Variants in LRP1B observed in about 807,000 individuals in gnomAD.
LRP1B encodes LDL receptor related protein 1B.
LRP1B carries 217 observed loss-of-function variants against 556.6 expected under a neutral mutation model. That is an observed-to-expected ratio of 0.39 (90% CI 0.35 to 0.44). LRP1B has a LOEUF of 0.44. Ranked by LOEUF, LRP1B falls within the 20% of genes least tolerant of loss-of-function variation. The pLI, the probability that LRP1B is intolerant of heterozygous loss-of-function variation, is 1.00. For missense variants in LRP1B, 5,053 were observed against 5,620.8 expected (o/e 0.90, Z 3.23); for synonymous variants, 2,047 against 1,865.8 (o/e 1.10, Z -2.50).
chr2:140,506,705 G>C (rs2104906257), intron 53 of LRP1B, 91 bp downstream of exon 53: 1 of 1,357,250 alleles, frequency 7.4e-7, no homozygotes, highest in Non-Finnish European at 1.0e-6. Context: ...TAAGAAATGT[G>C]TTGCTTGTTG....
intron 3 of LRP1B, among the ~76,000 whole-genome samples, chr2:141,275,227 A>G (rs1685241349): frequency 6.6e-6 from 1 of 152,232 alleles, no homozygotes; most frequent in African/African-American, 2.4e-5. Flanking sequence ...ATAGCATACT[A>G]TGTGGTTCAG....
At chr2:140,954,346 T>G (rs552857552) in intron 18 of LRP1B, among the ~76,000 whole-genome samples, 1 of 152,204 alleles carries the variant, frequency 6.6e-6, no homozygotes, top group African/African-American at 2.4e-5. Context: ...GAGTAAACAA[T>G]AAAATGGGGA....
intron 35 of LRP1B, among the ~76,000 whole-genome samples, chr2:140,747,818 G>A (rs1573658016): frequency 6.6e-6 from 1 of 151,918 alleles, no homozygotes; most frequent in East Asian, 1.9e-4. Flanking sequence ...TAGGAGAACT[G>A]ATAGAAAATG....
chr2:142,014,651 G>A (rs1384419175), intron 1 of LRP1B, among the ~76,000 whole-genome samples: 3 of 152,176 alleles, frequency 2.0e-5, no homozygotes, highest in South Asian at 4.1e-4. Context: ...ACCTTTTAAA[G>A]AAGTGGATAG....
At chr2:141,055,921 A>G (rs1699168280) in intron 9 of LRP1B, among the ~76,000 whole-genome samples, 1 of 151,608 alleles carries the variant, frequency 6.6e-6, no homozygotes, top group Non-Finnish European at 1.5e-5. Context: ...CTACTAAAGA[A>G]AAAAGGTAAG....
chr2:141,343,420 T>C (rs1449717096), intron 3 of LRP1B, among the ~76,000 whole-genome samples: 1 of 152,346 alleles, frequency 6.6e-6, no homozygotes, highest in South Asian at 2.1e-4. Context: ...ATTTTCTTGC[T>C]TTTTTGATTG....
chr2:140,816,328 GGA>G (rs1559136321), intron 31 of LRP1B, among the ~76,000 whole-genome samples: 11 of 151,484 alleles, frequency 7.3e-5, no homozygotes, highest in Non-Finnish European at 1.5e-4. Flanking sequence ...ATGTTGGCCA[GGA>G]TGGTCTCGAT....
chr2:142,067,155 G>A (rs1387621998), intron 1 of LRP1B, among the ~76,000 whole-genome samples: 3 of 151,264 alleles, frequency 2.0e-5, no homozygotes, highest in African/African-American at 7.3e-5. Context: ...ACACTTTAAA[G>A]GACATTTTTT....
chr2:140,903,314 G>A (rs1229954228), intron 22 of LRP1B, 149 bp from the exon 23 acceptor site: 3 of 823,486 alleles, frequency 3.6e-6, no homozygotes, highest in Non-Finnish European at 3.7e-6. Context: ...TTTTGCTTCA[G>A]GGGTTGGTAT....
intron 35 of LRP1B, among the ~76,000 whole-genome samples, chr2:140,748,867 A>T (rs1264822704): frequency 1.0e-5 from 1 of 95,894 alleles, no homozygotes; most frequent in African/African-American, 3.9e-5. Context: ...ATACACACAC[A>T]CACACAGAGT....
At chr2:141,467,266 G>C (rs898175109) in intron 3 of LRP1B, among the ~76,000 whole-genome samples, 2 of 151,586 alleles carry the variant, frequency 1.3e-5, no homozygotes, top group Non-Finnish European at 2.9e-5. Flanking sequence ...ACTGTGTCTG[G>C]GTTAGTAAGT....
intron 1 of LRP1B, among the ~76,000 whole-genome samples, chr2:142,080,744 C>G (rs1705682149): frequency 1.3e-5 from 2 of 152,086 alleles, no homozygotes; most frequent in South Asian, 4.1e-4. Flanking sequence ...GAGATTGACT[C>G]CACCTCCTCT....
At chr2:141,928,313 T>A (rs1200586151) in intron 1 of LRP1B, among the ~76,000 whole-genome samples, 1 of 152,152 alleles carries the variant, frequency 6.6e-6, no homozygotes, top group Non-Finnish European at 1.5e-5. Flanking sequence ...ATTTATTAAT[T>A]TTTGTATTGT....
At chr2:141,914,258 T>C (rs1030719256) in intron 1 of LRP1B, among the ~76,000 whole-genome samples, 4 of 152,234 alleles carry the variant, frequency 2.6e-5, no homozygotes, top group Non-Finnish European at 5.9e-5. Flanking sequence ...AAGCATTACA[T>C]ATGTTTTAAA....
chr2:140,533,478 A>T (rs1690810861), intron 47 of LRP1B, among the ~76,000 whole-genome samples: 1 of 152,116 alleles, frequency 6.6e-6, no homozygotes, highest in South Asian at 2.1e-4. Flanking sequence ...TATTAGCATG[A>T]CTGATGACAT....
chr2:140,532,255 A>C (rs372610421), intron 47 of LRP1B, among the ~76,000 whole-genome samples: 1 of 152,166 alleles, frequency 6.6e-6, no homozygotes, highest in Non-Finnish European at 1.5e-5. Context: ...AAATTTGATT[A>C]TATTTGGCCT....
At chr2:141,584,384 C>A (rs1409226837) in intron 2 of LRP1B, among the ~76,000 whole-genome samples, 2 of 152,004 alleles carry the variant, frequency 1.3e-5, no homozygotes, top group Admixed American at 1.3e-4. Context: ...TAGAAAGGAG[C>A]CAGATTTGGT....
intron 32 of LRP1B, among the ~76,000 whole-genome samples, chr2:140,781,525 G>A (rs1049986527): frequency 6.6e-6 from 1 of 152,104 alleles, no homozygotes; most frequent in African/African-American, 2.4e-5. Flanking sequence ...TGTAAAGTAT[G>A]ATTGCAGATG....
intron 2 of LRP1B, among the ~76,000 whole-genome samples, chr2:141,672,698 A>G (rs1447970887): frequency 1.3e-5 from 2 of 152,192 alleles, no homozygotes; most frequent in African/African-American, 4.8e-5. Flanking sequence ...CATAAAAACA[A>G]CACACATGAT....
Sources: allele counts gnomAD v4.1 joint callset (sites outside exome capture counted in the v4.1 genomes callset), GRCh38; gene constraint gnomAD v4.1.1; transcripts MANE v1.5; gene names NCBI Gene and HGNC (gene_info 2026-07-23, HGNC 2026-07-21).